Variants in MND1 observed in about 807,000 individuals in gnomAD.
The protein encoded by MND1 is meiotic nuclear division protein 1 homolog.
In MND1, 28 loss-of-function variants were observed where a neutral mutation model predicts 35.1. That is an observed-to-expected ratio of 0.80 (90% CI 0.59 to 1.09). The LOEUF (loss-of-function observed/expected upper bound fraction) is 1.09. MND1 is among the 50% of genes least tolerant of loss of function. The pLI, the probability that MND1 is intolerant of heterozygous loss-of-function variation, is 0.00. For missense variants in MND1, 213 were observed against 239.6 expected (o/e 0.89, Z 0.73); for synonymous variants, 69 against 70.5 (o/e 0.98, Z 0.11).
chr4:153,385,553 G>T (rs972986168), intron 4 of MND1, among the ~76,000 whole-genome samples: 2 of 151,522 alleles, frequency 1.3e-5, no homozygotes, highest in Admixed American at 1.3e-4. Context: ...CTGCCTCTAC[G>T]AAAAATACAA....
rs1729645146 is a variant in MND1, at chr4:153,410,291, T to A, written c.511+1276T>A. On this transcript the variant is annotated intron_variant, in intron 7 of 7. Transcript: ENST00000240488. ...GAAAAACATTTGGAATGGCTTTTTT[T>A]TTTTCCTATCCTATTAGCTGCAGAA... Among the ~76,000 whole-genome samples the A allele has an allele frequency of 5.9e-5, 9 of 152,238 alleles. No individual in the cohort carries two copies. In the South Asian group the frequency reaches 1.9e-3, roughly 32 times the overall value.
chr4:153,385,427 G>A (rs964131865), intron 4 of MND1, among the ~76,000 whole-genome samples: 1 of 152,124 alleles, frequency 6.6e-6, no homozygotes, highest in Admixed American at 6.6e-5. Context: ...TTCAAAAGTA[G>A]AGTATGGTCC....
At chr4:153,364,508 C>T (rs138880930) in intron 4 of MND1, among the ~76,000 whole-genome samples, 1 of 144,750 alleles carries the variant, frequency 6.9e-6, no homozygotes, top group Non-Finnish European at 1.5e-5. Context: ...CAGAGTCAGA[C>T]CCTGTTTAAG....
Position 153,394,169 on chromosome 4 carries a change from C to T in MND1, c.277-93C>T, listed in dbSNP as rs149829587. 162 of 1,078,722 alleles carry T rather than the reference C, an allele frequency of 1.5e-4. 1 individual carries two copies. The highest frequency in any genetic ancestry group is 1.1e-3 in the African/African-American group (69 of 63,354). The allele number at this position is 1,078,722 out of a possible 1,614,324, so 66.8% of individuals were successfully genotyped here. A position where few individuals can be genotyped will look rare whatever the true frequency, so the allele number is the denominator to read the frequency against. ...CCTCGGCCTGGGGCGAGTGCTGGGG[C>T]GTGAGCCACTGCACCTGGTGGACTT... On this transcript the variant is annotated intron_variant, in intron 4 of 7. Coordinates refer to ENST00000240488, the MANE Select transcript of MND1 (RefSeq NM_032117.4).
chr4:153,372,925 A>C (rs895395367), intron 4 of MND1, among the ~76,000 whole-genome samples: 2 of 152,148 alleles, frequency 1.3e-5, no homozygotes, highest in African/African-American at 2.4e-5. Flanking sequence ...TGTATTTATC[A>C]TTATGAAATG....
chr4:153,413,890 G>GA (rs779665286), intron 7 of MND1, among the ~76,000 whole-genome samples: 2 of 152,132 alleles, frequency 1.3e-5, no homozygotes, highest in Non-Finnish European at 2.9e-5. Flanking sequence ...ATTTCCTTGG[G>GA]ATAAATCCCT....
intron 4 of MND1, among the ~76,000 whole-genome samples, chr4:153,379,877 T>C (rs10033125): frequency 0.32 from 37,080 of 114,740 alleles, 5,958 homozygotes; most frequent in African/African-American, 0.48. Context: ...AAAAAAAAAA[T>C]CAGGTGTTGT....
intron 7 of MND1, among the ~76,000 whole-genome samples, chr4:153,413,759 T>C (rs1729757466): frequency 6.6e-6 from 1 of 152,032 alleles, no homozygotes; most frequent in African/African-American, 2.4e-5. Flanking sequence ...GAGCACACTG[T>C]CACGGTCCTG....
chr4:153,413,460 T>G (rs12510482), intron 7 of MND1, among the ~76,000 whole-genome samples: 82,525 of 151,856 alleles, frequency 0.54, 24,488 homozygotes, highest in African/African-American at 0.81. Context: ...TGGGTGGATT[T>G]CTTGGGCTTG....
intron 4 of MND1, among the ~76,000 whole-genome samples, chr4:153,364,767 A>AGT (rs1773584438): frequency 1.3e-5 from 2 of 152,188 alleles, no homozygotes; most frequent in Admixed American, 1.3e-4. Flanking sequence ...GCTGAAGTGC[A>AGT]GTGGCACAGT....
chr4:153,356,781 TTTTA>T (rs1773354931), intron 3 of MND1, among the ~76,000 whole-genome samples: 1 of 151,822 alleles, frequency 6.6e-6, no homozygotes, highest in South Asian at 2.1e-4. Flanking sequence ...GCCATGCATA[TTTTA>T]TTTTATTTAT....
intron 4 of MND1, among the ~76,000 whole-genome samples, chr4:153,362,276 C>T (rs1773515129): frequency 6.6e-6 from 1 of 152,054 alleles, no homozygotes; most frequent in Non-Finnish European, 1.5e-5. Context: ...AATTGTAATC[C>T]CCAGTGTTGG....
At chr4:153,377,659 T>G (rs1214940202) in intron 4 of MND1, among the ~76,000 whole-genome samples, 1 of 152,120 alleles carries the variant, frequency 6.6e-6, no homozygotes, top group African/African-American at 2.4e-5. Context: ...CGAAAAGGCT[T>G]TATAGTTAAG....
At chr4:153,414,011 C>T (rs1729764465) in intron 7 of MND1, among the ~76,000 whole-genome samples, 1 of 152,132 alleles carries the variant, frequency 6.6e-6, no homozygotes, top group Non-Finnish European at 1.5e-5. Context: ...CCCTGCTCCC[C>T]ACCCCCTCTC....
At chr4:153,374,454 G>T (rs1728437311) in intron 4 of MND1, among the ~76,000 whole-genome samples, 1 of 152,118 alleles carries the variant, frequency 6.6e-6, no homozygotes, top group African/African-American at 2.4e-5. Flanking sequence ...GATGAAAAAT[G>T]CTTCAAGAGA....
rs562269174 is a variant in MND1, at chr4:153,356,377, C to T, written c.127+666C>T. Among the ~76,000 whole-genome samples, 316 of 151,760 alleles carry T rather than the reference C, an allele frequency of 2.1e-3. 5 individuals carry two copies. In the Middle Eastern group the frequency reaches 0.045, roughly 22 times the overall value. ...AAGACCATCCTGCCTACTAAAACCC[C>T]GTCTCTACTAAAAATACAAAAAAAT... On this transcript the variant is annotated intron_variant, in intron 3 of 7. Coordinates refer to ENST00000240488, the MANE Select transcript of MND1 (RefSeq NM_032117.4).
intron 2 of MND1, 98 bp downstream of exon 2, chr4:153,350,227 C>T (rs931162863): frequency 3.8e-6 from 3 of 799,692 alleles, no homozygotes; most frequent in African/African-American, 3.5e-5. Context: ...AACATCAATA[C>T]TGATCAATTT....
intron 2 of MND1, among the ~76,000 whole-genome samples, chr4:153,352,655 G>A (rs573351355): frequency 5.9e-4 from 87 of 147,990 alleles, no homozygotes; most frequent in Middle Eastern, 7.1e-3. Context: ...AGGAGGATCT[G>A]TTGAGCCCAA....
intron 4 of MND1, among the ~76,000 whole-genome samples, chr4:153,386,553 T>TA (rs1174744357): frequency 6.6e-6 from 1 of 151,792 alleles, no homozygotes; most frequent in African/African-American, 2.4e-5. Context: ...CTATCTCTAC[T>TA]AAAAATACAA....
Sources: allele counts gnomAD v4.1 joint callset (sites outside exome capture counted in the v4.1 genomes callset), GRCh38; gene constraint gnomAD v4.1.1; transcripts MANE v1.5; gene names NCBI Gene and HGNC (gene_info 2026-07-23, HGNC 2026-07-21).